CES1: variants seen among roughly 807,000 people sequenced by gnomAD.
The protein encoded by CES1 is carboxylesterase 1, also known as liver carboxylesterase 1.
Under a neutral mutation model 53.0 loss-of-function variants are expected in CES1, and 50 were observed. That is an observed-to-expected ratio of 0.94 (90% CI 0.75 to 1.19). The LOEUF is 1.19. Among genes scored for constraint, CES1 ranks in the 50% most tolerant of loss-of-function variants. The pLI, the probability that CES1 is intolerant of heterozygous loss-of-function variation, is 0.00. For missense variants in CES1, 534 were observed against 538.0 expected, an observed-to-expected ratio of 0.99 and a Z score of 0.07; for synonymous variants, 202 against 210.1, an observed-to-expected ratio of 0.96 and a Z score of 0.33.
chr16:55,815,839 CTGT>C (rs2031918424), intron 8 of CES1, among the ~76,000 whole-genome samples: 1 of 152,250 alleles, frequency 6.6e-6, no homozygotes, highest in Non-Finnish European at 1.5e-5. Context: ...TGTGACTCCT[CTGT>C]TCAAAACCTC....
intron 2 of CES1, among the ~76,000 whole-genome samples, chr16:55,827,169 ACT>A (rs1336761369): frequency 6.6e-6 from 1 of 151,888 alleles, no homozygotes; most frequent in Non-Finnish European, 1.5e-5. Flanking sequence ...AGGCACTCAG[ACT>A]CTGGGATGAC....
intron 1 of CES1, among the ~76,000 whole-genome samples, chr16:55,832,231 C>T (rs2032711630): frequency 1.3e-5 from 2 of 152,152 alleles, no homozygotes; most frequent in African/African-American, 4.8e-5. Context: ...GCCCCTTGGC[C>T]TCAGATCCGC....
At chr16:55,817,023 T>A in intron 7 of CES1, 61 bp from the exon 8 acceptor site, 1 of 1,576,932 alleles carries the variant, frequency 6.3e-7, no homozygotes, top group Non-Finnish European at 8.7e-7. Flanking sequence ...CTGAGCTGGG[T>A]GAGTGGGGCA....
intron 1 of CES1, among the ~76,000 whole-genome samples, chr16:55,830,452 A>G (rs565689579): frequency 1.3e-4 from 20 of 152,264 alleles, no homozygotes; most frequent in African/African-American, 4.6e-4. Context: ...ATTATTTTAA[A>G]ATTTTAAATA....
rs572366439 is a variant in CES1, at chr16:55,816,009, T to C, written c.945+915A>G. ...TCTGTCAGGGTCTTTGCAGTGACTG[T>C]TCCCTCTGCCTGGAATAGGCTTCTC... On this transcript the variant is annotated intron_variant, in intron 8 of 13. Transcript: ENST00000360526. Among the ~76,000 whole-genome samples, 38 of 152,410 alleles carry C rather than the reference T, an allele frequency of 2.5e-4. No homozygotes were observed. The South Asian group carries it at 7.9e-3, about 32-fold the overall frequency.
At chr16:55,826,797 C>T (rs1180309663) in intron 2 of CES1, among the ~76,000 whole-genome samples, 1 of 152,178 alleles carries the variant, frequency 6.6e-6, no homozygotes, top group South Asian at 2.1e-4. Context: ...GATTCTACCA[C>T]CTGCCTCTCC....
chr16:55,817,129 A>G (rs2031978317), intron 7 of CES1, among the ~76,000 whole-genome samples, 167 bp from the exon 8 acceptor site: 1 of 152,196 alleles, frequency 6.6e-6, no homozygotes, highest in African/African-American at 2.4e-5. Flanking sequence ...ATATTAGTTC[A>G]GGGATGGGCA....
chr16:55,821,391 C>T lies in CES1; in HGVS notation c.670G>A (p.Gly224Arg). 1 of 1,614,184 alleles carries T rather than the reference C, an allele frequency of 6.2e-7. No individual in the cohort carries two copies. Among genetic ancestry groups the T allele is most frequent in the Non-Finnish European group, 8.5e-7 (1 of 1,180,044 alleles). The change falls in exon 5 of 14, where the codon GGA becomes AGA. Residue 224 changes from glycine to arginine, a missense_variant. Transcript: ENST00000360526. ...GSVTIFGESA[G>R]GESVSVLVLS... ...ACAAGAACAGAGACACTTTCTCCTCCCGCTGACTCTCCAAAGATGGTCACA... is the reference window on the plus strand; with the variant it reads ...ACAAGAACAGAGACACTTTCTCCTCTCGCTGACTCTCCAAAGATGGTCACA...
At chr16:55,816,179 T>C (rs1262727006) in intron 8 of CES1, among the ~76,000 whole-genome samples, 2 of 152,286 alleles carry the variant, frequency 1.3e-5, no homozygotes, top group African/African-American at 2.4e-5. Context: ...TCAAACGGAA[T>C]ACATACTTGA....
chr16:55,808,394 T>C (rs1473916598), intron 11 of CES1, among the ~76,000 whole-genome samples: 2 of 152,272 alleles, frequency 1.3e-5, no homozygotes, highest in Admixed American at 6.5e-5. Context: ...GCAGAGACAA[T>C]GAGAGGGCTA....
chr16:55,813,715 C>A (rs1382010332), intron 8 of CES1, among the ~76,000 whole-genome samples: 2 of 152,148 alleles, frequency 1.3e-5, no homozygotes. Context: ...CACACAGGCA[C>A]CTTCCCCGTA....
chr16:55,832,946 T>C (rs775679425), intron 1 of CES1, 58 bp downstream of exon 1: 9 of 1,408,538 alleles, frequency 6.4e-6, no homozygotes, highest in Non-Finnish European at 8.0e-6. Flanking sequence ...TGCGCCCACC[T>C]CGGCCCAGAA....
chr16:55,818,591 A>G lies in CES1; in HGVS notation c.906+944T>C, dbSNP rs552903757. On this transcript the variant is annotated intron_variant, in intron 7 of 13. Transcript: ENST00000360526. ...TCTCTGTGAAGCATCCCTGATTACT[A>G]CAATGAATGCTTCCCCTCTGTGCTG... Among the ~76,000 whole-genome samples the G allele has an allele frequency of 6.6e-5, 10 of 152,120 alleles. No homozygotes were observed. The South Asian group carries it at 2.1e-3, about 32-fold the overall frequency.
Position 55,821,477 on chromosome 16 carries a change from T to A in CES1, c.584A>T (p.Gln195Leu). 1 of 1,614,208 alleles carries A rather than the reference T, an allele frequency of 6.2e-7. No homozygotes were observed. The highest frequency in any genetic ancestry group is 8.5e-7 in the Non-Finnish European group (1 of 1,180,036). Residue 195 changes from glutamine to leucine, a missense_variant, in exon 5 of 14, where the codon CAG becomes CTG. Gln to Leu is a moderately radical substitution (Grantham distance 113). Around this residue, in one of 5 missense-constraint regions of CES1, gnomAD observed 85 missense variants for 81.9 expected, o/e 1.04. Transcript: ENST00000360526. ...HSRGNWGHLD[Q>L]VAALRWVQDN... ...CTGGACCCAGCGCAGGGCAGCCACCTGGTCCAGGTGACCCCAGTTCCCCCG... is the reference window on the plus strand; with the variant it reads ...CTGGACCCAGCGCAGGGCAGCCACCAGGTCCAGGTGACCCCAGTTCCCCCG...
At chr16:55,829,640 C>G (rs2032562453) in intron 1 of CES1, among the ~76,000 whole-genome samples, 1 of 152,224 alleles carries the variant, frequency 6.6e-6, no homozygotes, top group African/African-American at 2.4e-5. Flanking sequence ...CCACATGCAC[C>G]AGGTGGAGTC....
At chr16:55,829,743 C>T (rs1597092830) in intron 1 of CES1, among the ~76,000 whole-genome samples, 2 of 152,186 alleles carry the variant, frequency 1.3e-5, no homozygotes, top group Non-Finnish European at 2.9e-5. Context: ...CTTTAATGGA[C>T]AAATAAGCAG....
chr16:55,819,357 C>G (rs147307239), intron 7 of CES1, among the ~76,000 whole-genome samples, 178 bp downstream of exon 7: 1 of 152,168 alleles, frequency 6.6e-6, no homozygotes, highest in Non-Finnish European at 1.5e-5. Context: ...TATTTTTTGA[C>G]TTTCTTTTTT....
chr16:55,816,845 G>T, intron 8 of CES1, 79 bp downstream of exon 8: 1 of 1,479,894 alleles, frequency 6.8e-7, no homozygotes, highest in Non-Finnish European at 9.5e-7. Context: ...CCCAAGAGAT[G>T]ATTCTTTCAC....
chr16:55,823,069 C>G (rs1285685060), intron 4 of CES1, among the ~76,000 whole-genome samples: 1 of 152,100 alleles, frequency 6.6e-6, no homozygotes, highest in Non-Finnish European at 1.5e-5. Context: ...AGGAAGGGGT[C>G]AGATGCTCCC....
Sources: gnomAD v4.1 joint callset for allele counts (sites outside exome capture counted in the v4.1 genomes callset) on GRCh38, gnomAD v4.1.1 for gene constraint, gnomAD v4.1.1 regional missense constraint, MANE v1.5 for transcripts, NCBI Gene and HGNC (gene_info 2026-07-23, HGNC 2026-07-21) for gene names.